The following RIPK2 variants were observed in gnomAD, a reference collection of about 807,000 sequenced individuals.
RIPK2 encodes receptor interacting serine/threonine kinase 2.
Under a neutral mutation model 60.9 loss-of-function variants are expected in RIPK2, and 38 were observed. The observed-to-expected ratio is 0.62, with a 90% CI of 0.48 to 0.82. The LOEUF (loss-of-function observed/expected upper bound fraction) is 0.82, where lower values mean the gene tolerates loss of function less well. RIPK2 is among the 40% of genes least tolerant of loss of function. RIPK2 has a pLI of 0.00. For missense variants in RIPK2, 518 were observed against 647.0 expected (o/e 0.80, Z 2.16); for synonymous variants, 225 against 223.4 (o/e 1.01, Z -0.06).
intron 8 of RIPK2, 47 bp from the exon 9 acceptor site, chr8:89,786,546 T>C: frequency 9.8e-7 from 1 of 1,022,132 alleles, no homozygotes; most frequent in Non-Finnish European, 1.5e-6. Context: ...AAATTAAAGC[T>C]CGATAATTTT....
chr8:89,771,518 C>T (rs34211510), intron 4 of RIPK2, among the ~76,000 whole-genome samples: 12,325 of 151,878 alleles, frequency 0.081, 539 homozygotes, highest in Middle Eastern at 0.099. Context: ...TTGCATGTAA[C>T]GTTAAGCTTG....
At chr8:89,786,435 C>G (rs1809588170) in intron 8 of RIPK2, among the ~76,000 whole-genome samples, 158 bp from the exon 9 acceptor site, 1 of 151,778 alleles carries the variant, frequency 6.6e-6, no homozygotes, top group Admixed American at 6.6e-5. Context: ...GGTTGTGCCA[C>G]TGCACTCCAG....
In RIPK2 at chr8:89,772,795, G is replaced by T. The variant is rs755752832; in HGVS notation, c.820G>T (p.Ala274Ser). Residue 274 changes from alanine to serine, a missense_variant, in exon 6 of 11, where the codon GCA (alanine) becomes TCA (serine). Coordinates refer to ENST00000220751, the MANE Select transcript of RIPK2 (RefSeq NM_003821.6). ...GATCTCTCTAATAGAAAGTGGATGG[G>T]CACAAAATCCAGATGAAAGACCATC... ...RMISLIESGWAQNPDERPSFL... is the reference protein window; with the variant it reads ...RMISLIESGWSQNPDERPSFL... 1 of 1,607,162 alleles carries T rather than the reference G, an allele frequency of 6.2e-7. No homozygotes were observed. Among genetic ancestry groups the T allele is most frequent in the Non-Finnish European group, 8.5e-7 (1 of 1,176,880 alleles).
At chr8:89,775,341 C>T (rs1332676893) in intron 6 of RIPK2, among the ~76,000 whole-genome samples, 1 of 152,068 alleles carries the variant, frequency 6.6e-6, no homozygotes, top group African/African-American at 2.4e-5. Context: ...ATCCCAGCTA[C>T]TTGGGAGGCT....
intron 2 of RIPK2, 61 bp downstream of exon 2, chr8:89,763,043 A>G: frequency 9.0e-7 from 1 of 1,106,640 alleles, no homozygotes; most frequent in Non-Finnish European, 1.2e-6. Flanking sequence ...ACTATATTTT[A>G]CTTTGATTTT....
intron 7 of RIPK2, among the ~76,000 whole-genome samples, chr8:89,781,640 G>A (rs1809502720): frequency 6.6e-6 from 1 of 152,014 alleles, no homozygotes; most frequent in Non-Finnish European, 1.5e-5. Flanking sequence ...TCTGATTTTT[G>A]TAGATAAGAT....
At position 89,757,921 on chromosome 8, in the gene RIPK2, G is replaced by A. The variant is rs532878238; in HGVS notation, c.-140G>A. 4 of 1,394,798 alleles carry A rather than the reference G, an allele frequency of 2.9e-6. No individual in the cohort carries two copies. The East Asian group carries it at 1.1e-4, about 39-fold the overall frequency. The allele number at this position is 1,394,798 out of a possible 1,614,324, so 86.4% of individuals were successfully genotyped here. A position where few individuals can be genotyped will look rare whatever the true frequency, so the allele number is the denominator to read the frequency against. ...CCATCCGGGGAATGGGCGCCCTCGT[G>A]ACCTAGTGTTGCGGGGCAAAAAGGG... is the stretch of plus-strand genomic sequence containing the variant. On this transcript the variant is annotated 5_prime_UTR_variant, in exon 1 of 11. Transcript: ENST00000220751.
intron 3 of RIPK2, among the ~76,000 whole-genome samples, chr8:89,768,244 T>C (rs1202632302): frequency 6.6e-6 from 1 of 151,698 alleles, no homozygotes; most frequent in East Asian, 1.9e-4. Context: ...CAGAATACTT[T>C]CTAGATATGA....
rs1238122236 is a variant in RIPK2, at chr8:89,758,128, A to G, written c.68A>G (p.Tyr23Cys). 2 of 1,601,814 alleles carry G rather than the reference A, an allele frequency of 1.2e-6. No individual in the cohort carries two copies. Among genetic ancestry groups the G allele is most frequent in the Non-Finnish European group, 1.7e-6 (2 of 1,174,956 alleles). The part of the protein sequence containing the change: ...IPYHKLADLR[Y>C]LSRGASGTVS... ...TACCACAAACTCGCCGACCTGCGCTACCTGAGCCGCGGCGCCTCTGGCACT... is the reference window on the plus strand; with the variant it reads ...TACCACAAACTCGCCGACCTGCGCTGCCTGAGCCGCGGCGCCTCTGGCACT... Residue 23 changes from tyrosine to cysteine, a missense_variant, in exon 1 of 11, where the codon TAC (tyrosine) becomes TGC (cysteine). Physicochemically the swap from Tyr to Cys is radical, Grantham distance 194 (BLOSUM62 -2). Around this residue, in one of 3 missense-constraint regions of RIPK2, gnomAD observed 448 missense variants for 534.7 expected, o/e 0.84. Coordinates refer to ENST00000220751, the MANE Select transcript of RIPK2 (RefSeq NM_003821.6).
At chr8:89,779,611 T>C (rs1212799564) in intron 6 of RIPK2, among the ~76,000 whole-genome samples, 3 of 152,056 alleles carry the variant, frequency 2.0e-5, no homozygotes, top group African/African-American at 7.2e-5. Flanking sequence ...TGAGCCACCA[T>C]GCCTGGCCCA....
At position 89,757,820 on chromosome 8, in the gene RIPK2, C is replaced by A. The variant is rs1409311665; in HGVS notation, c.-241C>A. On this transcript the variant is annotated 5_prime_UTR_variant, in exon 1 of 11. Transcript: ENST00000220751. ...GGGGCTGCGAGAGAGGAAGCTCTTTCGCGGCGCTACGGCGTTGGCACCAGT... is the reference window on the plus strand; with the variant it reads ...GGGGCTGCGAGAGAGGAAGCTCTTTAGCGGCGCTACGGCGTTGGCACCAGT... 2.4e-6 allele frequency: 3 copies of A among 1,251,948 alleles called. No individual in the cohort carries two copies. Among genetic ancestry groups the A allele is most frequent in the Non-Finnish European group, 2.0e-6 (2 of 996,476 alleles). The allele number at this position is 1,251,948 out of a possible 1,614,324, so 77.6% of individuals were successfully genotyped here.
Position 89,789,321 on chromosome 8 carries a change from GA to G in RIPK2, c.1128del (p.Ala377LeufsTer7), listed in dbSNP as rs1809636596. On this transcript the variant is annotated frameshift_variant and splice_region_variant, in exon 10 of 11. Coordinates refer to ENST00000220751, the MANE Select transcript of RIPK2 (RefSeq NM_003821.6). LOFTEE classifies it high-confidence loss of function. ...PAPQDNDFLS[R>X]KAQDCYFMKL... is the part of the protein sequence containing the mutation. ...CTAATGAAGATGTTGTATTTTGTAG[GA>G]AAAGCTCAAGACTGTTATTTTATGA... 6.2e-7 allele frequency: 1 copy of G among 1,612,420 alleles called. No homozygotes were observed. Among genetic ancestry groups the G allele is most frequent in the African/African-American group, 1.3e-5 (1 of 74,796 alleles).
chr8:89,775,040 T>C (rs890149220), intron 6 of RIPK2, among the ~76,000 whole-genome samples: 2 of 151,942 alleles, frequency 1.3e-5, no homozygotes, highest in African/African-American at 4.8e-5. Context: ...TTAAAAAAAA[T>C]AGAAAGAAGT....
Position 89,784,280 on chromosome 8 carries a change from A to C in RIPK2, c.1029+141A>C, listed in dbSNP as rs111468200. 2.2e-3 allele frequency: 1,192 copies of C among 543,486 alleles called. 12 individuals are homozygous for C. The highest frequency in any genetic ancestry group is 0.021 in the African/African-American group (1,081 of 51,868). 33.7% of individuals were successfully genotyped at this position (543,486 alleles called of 1,614,324 possible). A position where few individuals can be genotyped will look rare whatever the true frequency, so the allele number is the denominator to read the frequency against. On this transcript the variant is annotated intron_variant, in intron 8 of 10. Coordinates refer to ENST00000220751, the MANE Select transcript of RIPK2 (RefSeq NM_003821.6). Reference sequence around the variant, plus strand: ...GCTTTTAGGATTTGTTTGGTAGCTCATGTCAATCTCCAACTTGAAACCCAG... The same window carrying C: ...GCTTTTAGGATTTGTTTGGTAGCTCCTGTCAATCTCCAACTTGAAACCCAG...
intron 4 of RIPK2, 73 bp downstream of exon 4, chr8:89,770,002 C>A: frequency 8.3e-7 from 1 of 1,207,086 alleles, no homozygotes. Flanking sequence ...AATTTTGAAG[C>A]TACATTTTAA....
At chr8:89,772,858 T>G in intron 6 of RIPK2, 30 bp downstream of exon 6, 1 of 1,455,784 alleles carries the variant, frequency 6.9e-7, no homozygotes, top group Admixed American at 2.3e-5. Context: ...CTAGACTCTT[T>G]GAATTACAGA....
intron 6 of RIPK2, among the ~76,000 whole-genome samples, chr8:89,778,849 A>G (rs1290695097): frequency 6.6e-6 from 1 of 152,234 alleles, no homozygotes; most frequent in East Asian, 1.9e-4. Context: ...GCTGGGTTAT[A>G]TGATAAATTT....
intron 3 of RIPK2, 53 bp from the exon 4 acceptor site, chr8:89,769,719 T>A: frequency 7.5e-7 from 1 of 1,332,320 alleles, no homozygotes; most frequent in Non-Finnish European, 1.0e-6. Flanking sequence ...ATAGTTGACT[T>A]TTGGACTTTT....
intron 2 of RIPK2, among the ~76,000 whole-genome samples, chr8:89,764,558 A>C (rs1356708731): frequency 6.6e-6 from 1 of 152,154 alleles, no homozygotes; most frequent in Non-Finnish European, 1.5e-5. Flanking sequence ...TGATCTTCCA[A>C]AGTATGTTCA....
Sources: allele counts gnomAD v4.1 joint callset (sites outside exome capture counted in the v4.1 genomes callset), GRCh38; gene constraint gnomAD v4.1.1; regional missense constraint gnomAD v4.1.1; transcripts MANE v1.5; gene names NCBI Gene and HGNC (gene_info 2026-07-23, HGNC 2026-07-21).